Variants in NAALADL2 observed in about 807,000 individuals in gnomAD.
NAALADL2 encodes the protein inactive N-acetylated-alpha-linked acidic dipeptidase-like protein 2.
A neutral mutation model predicts 87.2 loss-of-function variants in NAALADL2; 76 were observed. The ratio of observed to expected loss-of-function variants is 0.87; its 90% CI spans 0.72 to 1.05. The LOEUF is 1.05. Ranked by LOEUF, NAALADL2 falls within the 50% of genes least tolerant of loss-of-function variation. NAALADL2 has a pLI of 0.00. For missense variants in NAALADL2, 1,089 were observed against 945.8 expected (o/e 1.15, Z -1.99); for synonymous variants, 354 against 331.0 (o/e 1.07, Z -0.75).
At chr3:175,062,476 C>CTGTGTGTGTG (rs71792051) in intron 1 of NAALADL2, among the ~76,000 whole-genome samples, 25 of 131,566 alleles carry the variant, frequency 1.9e-4, no homozygotes, top group African/African-American at 4.4e-4. Flanking sequence ...GGAAGTTTGG[C>CTGTGTGTGTG]TGTGTGTGTG....
At chr3:175,072,645 TTTCTACTGAGTATAAC>T (rs1286288414) in intron 1 of NAALADL2, among the ~76,000 whole-genome samples, 1 of 136,884 alleles carries the variant, frequency 7.3e-6, no homozygotes, top group Non-Finnish European at 1.5e-5. Flanking sequence ...ATTGCTTTTC[TTTCTACTGAGTATAAC>T]TATATCCTAG....
intron 11 of NAALADL2, among the ~76,000 whole-genome samples, chr3:175,696,146 T>C (rs1220483170): frequency 6.6e-6 from 1 of 152,126 alleles, no homozygotes; most frequent in African/African-American, 2.4e-5. Context: ...TTGACTTGTG[T>C]TCACAAAAAA....
chr3:175,469,991 C>G (rs1261052412), intron 8 of NAALADL2, among the ~76,000 whole-genome samples: 1 of 152,058 alleles, frequency 6.6e-6, no homozygotes, highest in Non-Finnish European at 1.5e-5. Context: ...ATTGTCTTTT[C>G]AGCCCTCTTT....
At position 175,787,181 on chromosome 3, in the gene NAALADL2, C is replaced by T. The variant is rs879899049; in HGVS notation, c.2190-15824C>T. On this transcript the variant is annotated intron_variant, in intron 13 of 13. Coordinates refer to ENST00000454872, the MANE Select transcript of NAALADL2 (RefSeq NM_207015.3). ...TGTCTTTTTGTTTGTCTGTGCCCTG[C>T]CCCCAGAGGTGGAGCCTACAGAGGC... Among the ~76,000 whole-genome samples, 32 of 152,270 alleles carry T rather than the reference C, an allele frequency of 2.1e-4. No individual in the cohort carries two copies. The Middle Eastern group carries it at 0.01, about 49-fold the overall frequency.
intron 10 of NAALADL2, among the ~76,000 whole-genome samples, chr3:175,596,262 A>G (rs1480760676): frequency 6.6e-6 from 1 of 151,928 alleles, no homozygotes; most frequent in East Asian, 1.9e-4. Context: ...GCTTTCCATG[A>G]TTGGTCATCA....
At chr3:174,785,033 CTTTTA>C (rs1377263663) in intron 3 of NAALADL2, among the ~76,000 whole-genome samples, 15 of 151,750 alleles carry the variant, frequency 9.9e-5, no homozygotes, top group Middle Eastern at 3.4e-3. Context: ...ATAATTTTAT[CTTTTA>C]TTTTAGATTC....
intron 9 of NAALADL2, among the ~76,000 whole-genome samples, chr3:175,552,385 A>G (rs1421731511): frequency 6.6e-6 from 1 of 152,168 alleles, no homozygotes; most frequent in Admixed American, 6.5e-5. Context: ...TAAATTTTGC[A>G]TGGAAATTTT....
At chr3:174,776,540 T>A (rs1715230542) in intron 3 of NAALADL2, among the ~76,000 whole-genome samples, 1 of 152,122 alleles carries the variant, frequency 6.6e-6, no homozygotes. Context: ...GCATACCTCA[T>A]TGTGAATTAG....
intron 1 of NAALADL2, among the ~76,000 whole-genome samples, chr3:174,519,729 A>G (rs1470512725): frequency 6.6e-6 from 1 of 152,116 alleles, no homozygotes; most frequent in East Asian, 1.9e-4. Context: ...AACCAGAATT[A>G]AAAGCAAAAA....
Position 175,809,362 on chromosome 3 carries a change from G to A in NAALADL2, c.*6159G>A, listed in dbSNP as rs770082154. On this transcript the variant is annotated 3_prime_UTR_variant, in exon 14 of 14. Coordinates refer to ENST00000454872, the MANE Select transcript of NAALADL2 (RefSeq NM_207015.3). ...ACATTTCTAACAGAAAGGTTTAATG[G>A]CAAATATTCCTTATATTCTAACTTG... The A allele has an allele frequency of 2.0e-5, 3 of 151,460 alleles. No homozygotes were observed. The highest frequency in any genetic ancestry group is 4.4e-5 in the Non-Finnish European group (3 of 67,812). 9.4% of individuals were successfully genotyped at this position (151,460 alleles called of 1,614,324 possible).
rs186760858 is a variant in NAALADL2, at chr3:174,648,541, T to C, written c.-114-89100T>C. Among the ~76,000 whole-genome samples the C allele has an allele frequency of 2.9e-3, 440 of 152,288 alleles. 4 individuals carry two copies. The highest frequency in any genetic ancestry group is 0.02 in the Middle Eastern group (6 of 294). ...TGGTTCCATACAACTCTTCCTTATA[T>C]AGACAACCCTAAAAAGAAAAATGTT... On this transcript the variant is annotated intron_variant, in intron 2 of 3. Transcript: ENST00000434257.
At chr3:175,496,188 TAA>T (rs1728786377) in intron 9 of NAALADL2, among the ~76,000 whole-genome samples, 1 of 152,182 alleles carries the variant, frequency 6.6e-6, no homozygotes, top group African/African-American at 2.4e-5. Flanking sequence ...TAGATGCCAG[TAA>T]AATTCACACC....
intron 9 of NAALADL2, among the ~76,000 whole-genome samples, chr3:175,562,268 A>G (rs1716392746): frequency 1.3e-5 from 2 of 152,184 alleles, no homozygotes; most frequent in Admixed American, 6.5e-5. Flanking sequence ...CTCTCTTAGC[A>G]ATGATAGCTT....
intron 3 of NAALADL2, among the ~76,000 whole-genome samples, chr3:174,756,154 T>G (rs1256515698): frequency 1.3e-5 from 2 of 152,222 alleles, no homozygotes; most frequent in Non-Finnish European, 2.9e-5. Flanking sequence ...CAGTGAGACT[T>G]TTAAACAAAT....
intron 2 of NAALADL2, among the ~76,000 whole-genome samples, chr3:174,650,411 G>A (rs1396155058): frequency 6.6e-6 from 1 of 152,108 alleles, no homozygotes; most frequent in Admixed American, 6.6e-5. Context: ...ATGCCAACTA[G>A]TATGTTAAGA....
At chr3:174,837,932 A>G (rs578241850) in intron 3 of NAALADL2, among the ~76,000 whole-genome samples, 65 of 151,970 alleles carry the variant, frequency 4.3e-4, no homozygotes, top group African/African-American at 1.5e-3. Context: ...CTATTTGACA[A>G]GATAGAGAAA....
chr3:174,506,485 T>G (rs1034064380), intron 1 of NAALADL2, among the ~76,000 whole-genome samples: 2 of 152,168 alleles, frequency 1.3e-5, no homozygotes, highest in African/African-American at 4.8e-5. Flanking sequence ...CCGGTCTATG[T>G]CTTCATTTTT....
At chr3:175,406,789 C>A (rs1341810387) in intron 5 of NAALADL2, among the ~76,000 whole-genome samples, 1 of 152,030 alleles carries the variant, frequency 6.6e-6, no homozygotes, top group Non-Finnish European at 1.5e-5. Flanking sequence ...TGTTATCCCA[C>A]CCACTTCCTT....
chr3:175,734,649 C>T (rs1488462369), intron 11 of NAALADL2, among the ~76,000 whole-genome samples: 3 of 152,174 alleles, frequency 2.0e-5, no homozygotes, highest in Non-Finnish European at 2.9e-5. Context: ...GTGGAAGCTA[C>T]CAAGACTTGG....
Sources: allele counts gnomAD v4.1 joint callset (sites outside exome capture counted in the v4.1 genomes callset), GRCh38; gene constraint gnomAD v4.1.1; transcripts MANE v1.5; gene names NCBI Gene and HGNC (gene_info 2026-07-23, HGNC 2026-07-21).